Variants in CTPS2 observed in about 807,000 individuals in gnomAD.
CTPS2 encodes the protein CTP synthase II.
Under a neutral mutation model 46.8 loss-of-function variants are expected in CTPS2, and 19 were observed. That is an observed-to-expected ratio of 0.41 (90% CI 0.28 to 0.60). The LOEUF (loss-of-function observed/expected upper bound fraction) is 0.60. CTPS2 is among the 20% of genes least tolerant of loss of function. The pLI is 0.35. For missense variants in CTPS2, 286 were observed against 447.6 expected, an observed-to-expected ratio of 0.64 and a Z score of 3.26; for synonymous variants, 151 against 165.2, an observed-to-expected ratio of 0.91 and a Z score of 0.66.
intron 14 of CTPS2, among the ~76,000 whole-genome samples, chrX:16,629,113 G>A (rs1477238807): frequency 8.9e-6 from 1 of 112,317 alleles, no homozygotes; most frequent in Admixed American, 9.4e-5. Flanking sequence ...CGGGCCTCTG[G>A]TGAGCAGTGG....
intron 6 of CTPS2, 138 bp downstream of exon 6, chrX:16,693,003 G>A (rs1311501446): frequency 4.5e-5 from 21 of 471,110 alleles, no homozygotes; most frequent in Non-Finnish European, 3.7e-5. Flanking sequence ...GTTGCAATGA[G>A]CCAAGACTGC....
intron 13 of CTPS2, among the ~76,000 whole-genome samples, chrX:16,648,208 A>G (rs751156842): frequency 1.8e-5 from 2 of 112,247 alleles, no homozygotes; most frequent in Non-Finnish European, 3.8e-5. Flanking sequence ...GCTATTCAAC[A>G]ATTGGAGAGA....
intron 1 of CTPS2, among the ~76,000 whole-genome samples, chrX:16,707,469 G>A (rs769660323): frequency 1.5e-4 from 17 of 111,640 alleles, no homozygotes; most frequent in African/African-American, 4.6e-4. Context: ...TCAGAAGTTC[G>A]ACACCAACCT....
At chrX:16,634,468 G>C (rs181221395) in intron 14 of CTPS2, among the ~76,000 whole-genome samples, 1 of 111,484 alleles carries the variant, frequency 9.0e-6, no homozygotes, top group Non-Finnish European at 1.9e-5. Context: ...ACAACACATA[G>C]AACACAGGAA....
In CTPS2 at chrX:16,707,043, A is replaced by AG. The variant is rs34731896; in HGVS notation, c.-39-4103_-39-4102insC. Among the ~76,000 whole-genome samples, 7 of 29,828 alleles carry AG rather than the reference A, an allele frequency of 2.3e-4. No individual in the cohort carries two copies. The East Asian group carries it at 6.1e-3, about 26-fold the overall frequency. 25.9% of individuals were successfully genotyped at this position (29,828 alleles called of 115,157 possible). ...GGGCAACAGAGTGAGACTCTGTCTCAAAAAAAAAAAAAGAAAAGAAAATGT... is the reference window on the plus strand; with the variant it reads ...GGGCAACAGAGTGAGACTCTGTCTCAGAAAAAAAAAAAAGAAAAGAAAATGT... On this transcript the variant is annotated intron_variant, in intron 1 of 18. Coordinates refer to ENST00000359276, the MANE Select transcript of CTPS2 (RefSeq NM_175859.3).
intron 16 of CTPS2, among the ~76,000 whole-genome samples, chrX:16,614,534 T>C (rs1215030267): frequency 8.9e-6 from 1 of 112,448 alleles, no homozygotes; most frequent in African/African-American, 3.2e-5. Context: ...AAAGGGCCAA[T>C]ATTCTATAAA....
At chrX:16,690,415 A>G (rs1923603620) in intron 7 of CTPS2, among the ~76,000 whole-genome samples, 1 of 111,401 alleles carries the variant, frequency 9.0e-6, no homozygotes, top group African/African-American at 3.3e-5. Flanking sequence ...GCATGACAAC[A>G]TATCAACATA....
At chrX:16,649,567 C>A (rs962168346) in intron 13 of CTPS2, among the ~76,000 whole-genome samples, 3 of 112,097 alleles carry the variant, frequency 2.7e-5, no homozygotes, top group African/African-American at 9.7e-5. Context: ...TCATGGCTCA[C>A]TGTTGCCTCA....
chrX:16,662,115 G>A (rs936798526), intron 13 of CTPS2, among the ~76,000 whole-genome samples: 1 of 109,888 alleles, frequency 9.1e-6, no homozygotes, highest in Non-Finnish European at 1.9e-5. Flanking sequence ...GGTCAAGGAT[G>A]TCAGCAGCAG....
chrX:16,669,065 C>T (rs1921489456), intron 11 of CTPS2, among the ~76,000 whole-genome samples: 1 of 111,373 alleles, frequency 9.0e-6, no homozygotes, highest in African/African-American at 3.3e-5. Flanking sequence ...CAGGCAGCCC[C>T]ATAGCCTTCA....
intron 14 of CTPS2, among the ~76,000 whole-genome samples, chrX:16,637,719 T>C (rs1302575729): frequency 1.8e-5 from 2 of 112,155 alleles, no homozygotes; most frequent in African/African-American, 6.5e-5. Flanking sequence ...AGCTACAGAA[T>C]TGCTAACATT....
rs771759026 is a variant in CTPS2 at position 16,611,248 on chromosome X, C to T, written c.1547-1563G>A. Among the ~76,000 whole-genome samples, 13 of 111,455 alleles carry T rather than the reference C, an allele frequency of 1.2e-4. No homozygotes were observed. The South Asian group carries it at 4.9e-3, about 42-fold the overall frequency. ...GGCAGATTTCTTGAGCCTAGGAGCT[C>T]GAGACCAGCCGGGGCAATATGGTGA... On this transcript the variant is annotated intron_variant, in intron 16 of 18. Transcript: ENST00000359276.
chrX:16,594,340 G>A (rs376688038), intron 17 of CTPS2, among the ~76,000 whole-genome samples: 8 of 111,465 alleles, frequency 7.2e-5, no homozygotes, highest in South Asian at 7.5e-4. Context: ...TACTATTTAT[G>A]AGCCACGTAC....
intron 14 of CTPS2, among the ~76,000 whole-genome samples, chrX:16,633,232 T>C (rs1403445503): frequency 9.2e-6 from 1 of 108,613 alleles, no homozygotes; most frequent in East Asian, 2.9e-4. Flanking sequence ...TACAGGTGTA[T>C]GCCACCACAC....
chrX:16,703,011 A>C, intron 1 of CTPS2, 70 bp from the exon 2 acceptor site: 2 of 642,524 alleles, frequency 3.1e-6, no homozygotes, highest in Non-Finnish European at 4.5e-6. Flanking sequence ...CAGTGTATTC[A>C]ACCAGAATTA....
intron 13 of CTPS2, among the ~76,000 whole-genome samples, chrX:16,657,710 TAA>T (rs768782479): frequency 1.5e-3 from 171 of 112,134 alleles, no homozygotes; most frequent in African/African-American, 5.3e-3. Flanking sequence ...GAACACTTTG[TAA>T]ATCTCTGGCT....
At chrX:16,598,951 C>A (rs752412573) in intron 17 of CTPS2, among the ~76,000 whole-genome samples, 1,261 of 111,759 alleles carry the variant, frequency 0.011, 27 homozygotes, top group African/African-American at 0.039. Context: ...GAACCAAAGA[C>A]AAAAACCACA....
intron 6 of CTPS2, 124 bp from the exon 7 acceptor site, chrX:16,691,744 T>A (rs1923719748): frequency 1.7e-5 from 9 of 524,419 alleles, no homozygotes; most frequent in Non-Finnish European, 2.6e-5. Context: ...CACTGGACTA[T>A]TAGAAATTGG....
intron 17 of CTPS2, among the ~76,000 whole-genome samples, chrX:16,595,241 T>C (rs1195386213): frequency 1.8e-5 from 2 of 111,924 alleles, no homozygotes; most frequent in African/African-American, 6.5e-5. Flanking sequence ...GCATGTTAAA[T>C]TTTATGAAGT....
Sources: allele counts gnomAD v4.1 joint callset (sites outside exome capture counted in the v4.1 genomes callset), GRCh38; gene constraint gnomAD v4.1.1; transcripts MANE v1.5; gene names NCBI Gene and HGNC (gene_info 2026-07-23, HGNC 2026-07-21).